The following RAD51C variants were observed in gnomAD, a reference collection of about 807,000 sequenced individuals.
The protein encoded by RAD51C is RAD51 paralog C, also known as DNA repair protein RAD51 homolog 3.
In RAD51C, 42 loss-of-function variants were observed where a neutral mutation model predicts 45.0. The observed-to-expected ratio is 0.93, with a 90% CI of 0.73 to 1.21. The LOEUF is 1.21. Among genes scored for constraint, RAD51C ranks in the 50% most tolerant of loss-of-function variants. RAD51C has a pLI of 0.00. For missense variants in RAD51C, 474 were observed against 452.2 expected (o/e 1.05, Z -0.44); for synonymous variants, 172 against 159.8 (o/e 1.08, Z -0.58).
chr17:58,707,311 G>A lies in RAD51C; in HGVS notation c.706-2548G>A, dbSNP rs180677963. ...AGGTGGGCGGATTGCCTGAGGTCAGGAGTTCAAGACCAGTCTGGCCAACAT... is the reference window on the plus strand; with the variant it reads ...AGGTGGGCGGATTGCCTGAGGTCAGAAGTTCAAGACCAGTCTGGCCAACAT... On this transcript the variant is annotated intron_variant, in intron 4 of 8. Coordinates refer to ENST00000337432, the MANE Select transcript of RAD51C (RefSeq NM_058216.3). Among the ~76,000 whole-genome samples the A allele has an allele frequency of 6.6e-4, 101 of 152,222 alleles. No individual in the cohort carries two copies. The East Asian group carries it at 0.012, about 18-fold the overall frequency.
At chr17:58,732,272 G>C in intron 7 of RAD51C, 1 of 451,406 alleles carries the variant, frequency 2.2e-6, no homozygotes, top group Non-Finnish European at 3.9e-6. Flanking sequence ...GGACTTTTAG[G>C]TTGCTTTAAA....
intron 4 of RAD51C, among the ~76,000 whole-genome samples, chr17:58,709,368 C>T (rs552588095): frequency 8.5e-5 from 13 of 152,222 alleles, no homozygotes; most frequent in Admixed American, 4.6e-4. Context: ...TGAGCCACCG[C>T]GCCCAGCCTT....
chr17:58,710,361 G>A (rs1442376433), intron 5 of RAD51C, among the ~76,000 whole-genome samples: 1 of 150,408 alleles, frequency 6.6e-6, no homozygotes, highest in African/African-American at 2.4e-5. Context: ...AGCCCGGTGT[G>A]GTGGCATGCC....
At chr17:58,727,796 G>A (rs1014027931) in intron 7 of RAD51C, among the ~76,000 whole-genome samples, 3 of 151,938 alleles carry the variant, frequency 2.0e-5, no homozygotes, top group African/African-American at 7.3e-5. Context: ...GTGTGGTGGT[G>A]CACACCTATA....
At chr17:58,732,648 A>G (rs1298711198) in intron 8 of RAD51C, 104 bp downstream of exon 8, 6 of 1,082,752 alleles carry the variant, frequency 5.5e-6, no homozygotes, top group Non-Finnish European at 8.5e-6. Context: ...GGCAGCAAGC[A>G]TATTTGAGGA....
intron 7 of RAD51C, among the ~76,000 whole-genome samples, chr17:58,729,958 C>G (rs1406926244): frequency 6.6e-6 from 1 of 151,886 alleles, no homozygotes; most frequent in Non-Finnish European, 1.5e-5. Flanking sequence ...TACTAGGCAC[C>G]TTTTTTGGAC....
chr17:58,694,686 G>A (rs577195110), intron 1 of RAD51C: 64 of 469,674 alleles, frequency 1.4e-4, no homozygotes, highest in South Asian at 8.2e-4. Flanking sequence ...TGTTGGCCAG[G>A]CTGGTCTTCA....
At position 58,705,759 on chromosome 17, in the gene RAD51C, A is replaced by G. The variant is rs1262085277; in HGVS notation, c.705+2430A>G. 4 of 152,280 alleles carry G rather than the reference A, an allele frequency of 2.6e-5. No individual in the cohort carries two copies. The East Asian group carries it at 7.7e-4, about 29-fold the overall frequency. The allele number at this position is 152,280 out of a possible 1,614,324, so 9.4% of individuals were successfully genotyped here. A position where few individuals can be genotyped will look rare whatever the true frequency, so the allele number is the denominator to read the frequency against. ...TCACATTGGGGTTTAGGGATTCAACATACGAATTTTAAGGGGACATAATTG... is the reference window on the plus strand; with the variant it reads ...TCACATTGGGGTTTAGGGATTCAACGTACGAATTTTAAGGGGACATAATTG... On this transcript the variant is annotated intron_variant, in intron 4 of 8. Transcript: ENST00000337432.
At position 58,734,244 on chromosome 17, in the gene RAD51C, G is replaced by A. The variant is rs768965452; in HGVS notation, c.*22G>A. ...ATAACCCAGAAACAAATCTCAAAGTGTACAAATTTATTGATGTTGTGAAAT... is the reference window on the plus strand; with the variant it reads ...ATAACCCAGAAACAAATCTCAAAGTATACAAATTTATTGATGTTGTGAAAT... On this transcript the variant is annotated 3_prime_UTR_variant, in exon 9 of 9. Transcript: ENST00000337432. The A allele has an allele frequency of 3.1e-6, 5 of 1,600,824 alleles. No individual in the cohort carries two copies. The highest frequency in any genetic ancestry group is 3.4e-6 in the Non-Finnish European group (4 of 1,171,726).
chr17:58,713,967 T>G (rs1000593291), intron 5 of RAD51C, among the ~76,000 whole-genome samples: 4 of 151,870 alleles, frequency 2.6e-5, no homozygotes, highest in Non-Finnish European at 5.9e-5. Flanking sequence ...AACCACCTCC[T>G]TATTGATGGT....
chr17:58,725,844 T>C (rs1216752937), intron 7 of RAD51C, among the ~76,000 whole-genome samples: 1 of 151,872 alleles, frequency 6.6e-6, no homozygotes, highest in Non-Finnish European at 1.5e-5. Flanking sequence ...AATAAAAAAT[T>C]AGCTGGGCGT....
At chr17:58,705,124 G>A (rs1474281731) in intron 4 of RAD51C, among the ~76,000 whole-genome samples, 1 of 149,468 alleles carries the variant, frequency 6.7e-6, no homozygotes, top group Non-Finnish European at 1.5e-5. Context: ...GAGAGACTCT[G>A]TCTCAAAATT....
At chr17:58,701,879 A>G (rs1273427984) in intron 3 of RAD51C, among the ~76,000 whole-genome samples, 1 of 152,166 alleles carries the variant, frequency 6.6e-6, no homozygotes, top group African/African-American at 2.4e-5. Flanking sequence ...TGTTTGTTTT[A>G]AACATCCAAT....
At chr17:58,708,178 G>A (rs887751398) in intron 4 of RAD51C, among the ~76,000 whole-genome samples, 1 of 152,050 alleles carries the variant, frequency 6.6e-6, no homozygotes, top group Non-Finnish European at 1.5e-5. Context: ...GCTCTCTACT[G>A]TAAACAAGTG....
chr17:58,721,174 T>C (rs2048905719), intron 6 of RAD51C, among the ~76,000 whole-genome samples: 1 of 152,058 alleles, frequency 6.6e-6, no homozygotes, highest in East Asian at 1.9e-4. Context: ...CCCACCTACT[T>C]GGGAGGCTGA....
chr17:58,697,553 A>AC (rs1177627006), intron 3 of RAD51C, among the ~76,000 whole-genome samples: 1 of 134,268 alleles, frequency 7.4e-6, no homozygotes, highest in Non-Finnish European at 1.7e-5. Flanking sequence ...AAAAAAAAAA[A>AC]AAAACCAAAA....
intron 3 of RAD51C, among the ~76,000 whole-genome samples, chr17:58,699,724 A>G (rs561221991): frequency 3.9e-5 from 6 of 152,350 alleles, no homozygotes; most frequent in South Asian, 2.1e-4. Flanking sequence ...CAGCGTACAT[A>G]ACAAATTTTA....
intron 4 of RAD51C, among the ~76,000 whole-genome samples, chr17:58,709,421 C>G (rs913208951): frequency 6.6e-6 from 1 of 152,206 alleles, no homozygotes; most frequent in Admixed American, 6.6e-5. Flanking sequence ...AAGCAGAGTC[C>G]GTTTTAACTT....
chr17:58,697,483 C>T (rs1002140274), intron 3 of RAD51C, among the ~76,000 whole-genome samples: 2 of 149,798 alleles, frequency 1.3e-5, no homozygotes, highest in Admixed American at 1.3e-4. Flanking sequence ...TTGCAGTGAG[C>T]CCAGATTACG....
Sources: allele counts gnomAD v4.1 joint callset (sites outside exome capture counted in the v4.1 genomes callset), GRCh38; gene constraint gnomAD v4.1.1; transcripts MANE v1.5; gene names NCBI Gene and HGNC (gene_info 2026-07-23, HGNC 2026-07-21).